Variants in SAP18 observed in about 807,000 individuals in gnomAD.
SAP18 encodes the protein Sin3A associated protein 18.
Under a neutral mutation model 18.6 loss-of-function variants are expected in SAP18, and 4 were observed. That is an observed-to-expected ratio of 0.21 (90% CI 0.11 to 0.49). SAP18 has a LOEUF of 0.49. Ranked by LOEUF, SAP18 falls within the 20% of genes least tolerant of loss-of-function variation. SAP18 has a pLI of 0.98. For missense variants in SAP18, 170 were observed against 226.4 expected, an observed-to-expected ratio of 0.75 and a Z score of 1.60; for synonymous variants, 112 against 82.8, an observed-to-expected ratio of 1.35 and a Z score of -1.92.
At chr13:21,140,810 C>T in intron 1 of SAP18, 76 bp from the exon 2 acceptor site, 1 of 1,575,236 alleles carries the variant, frequency 6.3e-7, no homozygotes, top group Non-Finnish European at 8.7e-7. Context: ...GCCGCAACGC[C>T]TCGGGAAGAG....
chr13:21,140,530 T>C (rs774312518), exon 1 of SAP18: 5 of 1,563,436 alleles, frequency 3.2e-6, no homozygotes, highest in South Asian at 1.2e-5. Flanking sequence ...GTCGAGCTTC[T>C]CCTCGCGAGA....
chr13:21,142,334 ATTTATT>A (rs1869498768), intron 2 of SAP18, among the ~76,000 whole-genome samples: 1 of 150,228 alleles, frequency 6.7e-6, no homozygotes, highest in Non-Finnish European at 1.5e-5. Flanking sequence ...CGTGTTAACC[ATTTATT>A]TTTATTTTTT....
At chr13:21,142,903 C>T (rs775457149) in intron 2 of SAP18, among the ~76,000 whole-genome samples, 3 of 152,192 alleles carry the variant, frequency 2.0e-5, no homozygotes, top group Non-Finnish European at 2.9e-5. Flanking sequence ...TTTCCCATTC[C>T]TCCCCTGCCC....
chr13:21,140,534 C>A (rs1017859131), exon 1 of SAP18: 8 of 1,566,856 alleles, frequency 5.1e-6, no homozygotes, highest in South Asian at 1.2e-5. Context: ...AGCTTCTCCT[C>A]GCGAGAGACT....
intron 2 of SAP18, chr13:21,146,362 A>T (rs1197670155): frequency 6.5e-6 from 1 of 153,876 alleles, no homozygotes; most frequent in Non-Finnish European, 1.4e-5. Flanking sequence ...AAACGTCAGT[A>T]TGAAAATGCT....
exon 4 of SAP18, chr13:21,148,755 T>TC (rs1489727441): frequency 6.7e-6 from 1 of 149,904 alleles, no homozygotes; most frequent in Non-Finnish European, 1.5e-5. Flanking sequence ...TAACTGCTAT[T>TC]CGTGGTGGGG....
At chr13:21,142,472 G>A (rs550609375) in intron 2 of SAP18, among the ~76,000 whole-genome samples, 2 of 151,330 alleles carry the variant, frequency 1.3e-5, no homozygotes, top group African/African-American at 4.8e-5. Flanking sequence ...GATTACAGGC[G>A]CCCGCCACCA....
chr13:21,141,897 C>T (rs1340674574), intron 2 of SAP18, among the ~76,000 whole-genome samples: 1 of 150,722 alleles, frequency 6.6e-6, no homozygotes, highest in East Asian at 2.0e-4. Context: ...GAACTCTTGA[C>T]CTCAAGTGAT....
At chr13:21,148,012 C>G (rs564223302) in exon 4 of SAP18, 1 of 152,258 alleles carries the variant, frequency 6.6e-6, no homozygotes, top group Admixed American at 6.6e-5. Flanking sequence ...CCCTGGAGAT[C>G]TGCAAATGGA....
At chr13:21,140,138 T>G (rs1434642295), upstream of SAP18, among the ~76,000 whole-genome samples, 1 of 152,224 alleles carries the variant, frequency 6.6e-6, no homozygotes, top group African/African-American at 2.4e-5. Flanking sequence ...GAACTGTGTG[T>G]GGCTGGAAGG....
chr13:21,148,170 C>T (rs1013898818), exon 4 of SAP18: 48 of 152,168 alleles, frequency 3.2e-4, no homozygotes, highest in African/African-American at 1.1e-3. Context: ...GTGATGAAGA[C>T]AGTGCAGCAG....
exon 1 of SAP18, chr13:21,140,624 G>C (rs758249818): frequency 2.0e-5 from 33 of 1,612,330 alleles, no homozygotes; most frequent in South Asian, 7.7e-5. Flanking sequence ...CGGTGGAGTC[G>C]CGCGTTACCC....
At chr13:21,145,499 A>G (rs1044804593) in intron 2 of SAP18, among the ~76,000 whole-genome samples, 1 of 151,896 alleles carries the variant, frequency 6.6e-6, no homozygotes, top group South Asian at 2.1e-4. Context: ...AGATAAACCA[A>G]TGTGACCTCA....
At chr13:21,141,469 T>C (rs1038351576) in intron 2 of SAP18, 28 of 175,536 alleles carry the variant, frequency 1.6e-4, no homozygotes, top group Non-Finnish European at 3.4e-4. Flanking sequence ...ACCCGAGTTA[T>C]TTCTTCTCTA....
At chr13:21,142,816 C>G (rs1482719502) in intron 2 of SAP18, among the ~76,000 whole-genome samples, 2 of 152,116 alleles carry the variant, frequency 1.3e-5, no homozygotes, top group East Asian at 3.9e-4. Flanking sequence ...TTGGCTCAAG[C>G]AGCTGGGACT....
rs1010506161 is a variant in SAP18, at chr13:21,141,893, T to C, written c.239+898T>C. ...TATTGACCAGGCTGGTCTCGAACTC[T>C]TGACCTCAAGTGATCTGCCTGCCTC... On this transcript the variant is annotated intron_variant, in intron 2 of 3. Coordinates refer to ENST00000621421, the Ensembl canonical transcript of SAP18. Among the ~76,000 whole-genome samples the C allele has an allele frequency of 6.0e-4, 90 of 150,998 alleles. 2 individuals are homozygous for C. Among genetic ancestry groups the C allele is most frequent in the Admixed American group, 7.9e-4 (12 of 15,162 alleles).
chr13:21,140,433 C>A, upstream of SAP18: 1 of 1,179,688 alleles, frequency 8.5e-7, no homozygotes, highest in Non-Finnish European at 1.2e-6. Context: ...AGTCGCAACA[C>A]GCAGGCGCGC....
Position 21,140,701 on chromosome 13 carries a change from T to TG in SAP18, c.129+24dup. ...GAGAAGGTGAAGGCCCCCTCCGCTT[T>TG]GGGGTCCGGGAAGAGGTTGGGGATG... On this transcript the variant is annotated intron_variant, in intron 1 of 3. Transcript: ENST00000621421. 6.2e-7 allele frequency: 1 copy of TG among 1,606,158 alleles called. No individual in the cohort carries two copies. The highest frequency in any genetic ancestry group is 8.5e-7 in the Non-Finnish European group (1 of 1,176,160).
At chr13:21,144,635 T>C (rs1379806669) in intron 2 of SAP18, among the ~76,000 whole-genome samples, 2 of 152,086 alleles carry the variant, frequency 1.3e-5, no homozygotes, top group African/African-American at 2.4e-5. Context: ...CTATAAAATA[T>C]CTCACAGCAA....
Sources: allele counts gnomAD v4.1 joint callset (sites outside exome capture counted in the v4.1 genomes callset), GRCh38; gene constraint gnomAD v4.1.1; transcripts MANE v1.5; gene names NCBI Gene and HGNC (gene_info 2026-07-23, HGNC 2026-07-21).